Variants in GRIP1 observed in about 807,000 individuals in gnomAD.
The protein encoded by GRIP1 is glutamate receptor interacting protein 1.
Under a neutral mutation model 129.9 loss-of-function variants are expected in GRIP1, and 45 were observed. That is an observed-to-expected ratio of 0.35 (90% CI 0.27 to 0.44). The LOEUF (loss-of-function observed/expected upper bound fraction) is 0.44. GRIP1 is among the 20% of genes least tolerant of loss of function. The pLI is 1.00. For missense variants in GRIP1, 1,196 were observed against 1,396.8 expected (o/e 0.86, Z 2.29); for synonymous variants, 530 against 520.8 (o/e 1.02, Z -0.24).
At position 67,007,509 on chromosome 12, in the gene GRIP1, CAA is replaced by C. The variant is rs2042644401; in HGVS notation, c.58+61539_58+61540del. Among the ~76,000 whole-genome samples, 4 of 151,938 alleles carry C rather than the reference CAA, an allele frequency of 2.6e-5. No individual in the cohort carries two copies. The South Asian group carries it at 8.3e-4, about 32-fold the overall frequency. On this transcript the variant is annotated intron_variant, in intron 1 of 1. Transcript: ENST00000643019. ...CCAAAAAACAAAGAATGAGGCAAATCAAAGACAAAGGAAGAAAAAGAAGAGTG... is the reference window on the plus strand; with the variant it reads ...CCAAAAAACAAAGAATGAGGCAAATCAGACAAAGGAAGAAAAAGAAGAGTG...
intron 2 of GRIP1, among the ~76,000 whole-genome samples, chr12:66,557,822 C>T (rs925997547): frequency 6.6e-6 from 1 of 152,004 alleles, no homozygotes; most frequent in African/African-American, 2.4e-5. Context: ...AAAAGCAGCA[C>T]TAAGAGGGAA....
intron 7 of GRIP1, among the ~76,000 whole-genome samples, chr12:66,478,772 C>G (rs1407718591): frequency 2.0e-5 from 3 of 152,024 alleles, no homozygotes; most frequent in Non-Finnish European, 4.4e-5. Flanking sequence ...AGCAAACTAT[C>G]ACAAGGACAA....
In GRIP1 at chr12:67,038,244, A is replaced by G. The variant is rs144688955; in HGVS notation, c.58+30806T>C. 3.4e-3 allele frequency among the ~76,000 whole-genome samples: 523 copies of G among 152,356 alleles called. 4 individuals are homozygous for G. Among genetic ancestry groups the G allele is most frequent in the African/African-American group, 0.012 (488 of 41,588 alleles). ...AGCAGAAACACTGGCAGAAGCCCCA[A>G]TAAGGACGTGGACAGGATCCTGATG... On this transcript the variant is annotated intron_variant, in intron 1 of 1. Coordinates refer to the GRIP1 transcript ENST00000643019.
intron 14 of GRIP1, among the ~76,000 whole-genome samples, chr12:66,425,109 C>A (rs567215577): frequency 1.3e-5 from 2 of 152,144 alleles, no homozygotes; most frequent in Non-Finnish European, 2.9e-5. Context: ...CTGAAAATGT[C>A]ATTTTCTACC....
At chr12:66,396,820 A>C (rs1031677942) in intron 16 of GRIP1, among the ~76,000 whole-genome samples, 12 of 152,162 alleles carry the variant, frequency 7.9e-5, no homozygotes, top group African/African-American at 2.9e-4. Context: ...CAAAAGAGAA[A>C]GGAGATTTGG....
At chr12:66,989,056 A>G (rs2042356310) in intron 1 of GRIP1, among the ~76,000 whole-genome samples, 1 of 152,190 alleles carries the variant, frequency 6.6e-6, no homozygotes. Context: ...GTCCCCTAAG[A>G]AAGATATTAT....
intron 1 of GRIP1, among the ~76,000 whole-genome samples, chr12:66,643,464 GT>G (rs1273322719): frequency 6.6e-6 from 1 of 152,072 alleles, no homozygotes; most frequent in Non-Finnish European, 1.5e-5. Flanking sequence ...AATAAACAAG[GT>G]TATAGCATAG....
intron 1 of GRIP1, among the ~76,000 whole-genome samples, chr12:66,996,386 A>G (rs887127201): frequency 9.2e-5 from 14 of 152,122 alleles, no homozygotes; most frequent in Non-Finnish European, 1.8e-4. Context: ...AAAAAAGACA[A>G]AGTACCTGAC....
rs534468197 is a variant in GRIP1, at chr12:66,636,389, A to G, written c.56-39462T>C. 7.9e-5 allele frequency among the ~76,000 whole-genome samples: 12 copies of G among 152,322 alleles called. 1 individual carries two copies. The East Asian group carries it at 2.1e-3, about 27-fold the overall frequency. Reference sequence around the variant, plus strand: ...TAATGCCTCTGAACTACGCACTTAAATATGGTTAAAATTGTAAAGTTTGTT... The same window carrying G: ...TAATGCCTCTGAACTACGCACTTAAGTATGGTTAAAATTGTAAAGTTTGTT... On this transcript the variant is annotated intron_variant, in intron 1 of 24. Coordinates refer to ENST00000359742, the MANE Select transcript of GRIP1 (RefSeq NM_001366722.1).
At chr12:66,617,535 G>A (rs927222635) in intron 1 of GRIP1, among the ~76,000 whole-genome samples, 2 of 151,948 alleles carry the variant, frequency 1.3e-5, no homozygotes, top group African/African-American at 4.8e-5. Context: ...CAAAGAAAGT[G>A]GAAGTTCCAG....
intron 1 of GRIP1, among the ~76,000 whole-genome samples, chr12:66,837,942 C>T (rs1218393672): frequency 6.6e-6 from 1 of 152,092 alleles, no homozygotes; most frequent in Admixed American, 6.6e-5. Context: ...ACCTGTAATC[C>T]CAGCACTTTG....
intron 14 of GRIP1, among the ~76,000 whole-genome samples, chr12:66,422,966 C>T (rs2057860774): frequency 6.6e-6 from 1 of 152,140 alleles, no homozygotes. Context: ...ATCCTAGCCC[C>T]ATGTTTTAAT....
rs1308992882 is a variant in GRIP1, at chr12:66,664,439, C to T, written c.55+14411G>A. Reference sequence around the variant, plus strand: ...TATATATTCCTTCTAGAATTTGTTGCCAGGTATGATTATGTCTTCAGGTTC... The same window carrying T: ...TATATATTCCTTCTAGAATTTGTTGTCAGGTATGATTATGTCTTCAGGTTC... On this transcript the variant is annotated intron_variant, in intron 1 of 24. Coordinates refer to ENST00000359742, the MANE Select transcript of GRIP1 (RefSeq NM_001366722.1). Among the ~76,000 whole-genome samples, 3 of 152,074 alleles carry T rather than the reference C, an allele frequency of 2.0e-5. No individual in the cohort carries two copies. In the South Asian group the frequency reaches 6.2e-4, roughly 32 times the overall value.
chr12:66,446,588 G>A (rs1226150850), intron 11 of GRIP1, among the ~76,000 whole-genome samples: 1 of 152,056 alleles, frequency 6.6e-6, no homozygotes, highest in Non-Finnish European at 1.5e-5. Flanking sequence ...ACTTATTTCT[G>A]CTCTGTCTCA....
intron 1 of GRIP1, among the ~76,000 whole-genome samples, chr12:66,661,886 C>A (rs2033531811): frequency 6.6e-6 from 1 of 152,088 alleles, no homozygotes; most frequent in Non-Finnish European, 1.5e-5. Flanking sequence ...TTAATGTAAT[C>A]ATTTCAAGAT....
intron 7 of GRIP1, among the ~76,000 whole-genome samples, chr12:66,507,381 T>C (rs2060560619): frequency 6.6e-6 from 1 of 151,180 alleles, no homozygotes; most frequent in South Asian, 2.1e-4. Flanking sequence ...GAGCTTGCAG[T>C]GAGCCGAGAT....
At chr12:67,066,903 T>TATATAA (rs2043638784) in intron 1 of GRIP1, among the ~76,000 whole-genome samples, 1 of 142,368 alleles carries the variant, frequency 7.0e-6, no homozygotes, top group East Asian at 2.0e-4. Flanking sequence ...TATATATATA[T>TATATAA]ATATATATAC....
At chr12:66,552,515 T>G (rs1363436689) in intron 2 of GRIP1, among the ~76,000 whole-genome samples, 2 of 152,184 alleles carry the variant, frequency 1.3e-5, no homozygotes, top group Non-Finnish European at 2.9e-5. Context: ...ACACTGAGAC[T>G]TGAAAATTAG....
chr12:66,599,513 C>A (rs2064188727), intron 1 of GRIP1, among the ~76,000 whole-genome samples: 1 of 152,124 alleles, frequency 6.6e-6, no homozygotes, highest in African/African-American at 2.4e-5. Context: ...TAAAAAGCTA[C>A]CCATCACAGA....
Sources: allele counts gnomAD v4.1 joint callset (sites outside exome capture counted in the v4.1 genomes callset), GRCh38; gene constraint gnomAD v4.1.1; transcripts MANE v1.5; gene names NCBI Gene and HGNC (gene_info 2026-07-23, HGNC 2026-07-21).